SORL1: variants seen among roughly 807,000 people sequenced by gnomAD.
SORL1 encodes sortilin-related receptor.
In SORL1, 127 loss-of-function variants were observed where a neutral mutation model predicts 273.7. That is an observed-to-expected ratio of 0.46 (90% CI 0.40 to 0.54). SORL1 has a LOEUF of 0.54. Among genes scored for constraint, SORL1 ranks in the 20% least tolerant of loss-of-function variants. SORL1 has a pLI of 0.00. For synonymous variants in SORL1, 1,031 were observed against 1,067.4 expected (o/e 0.97, Z 0.66); for missense variants, 2,494 against 2,846.1 (o/e 0.88, Z 2.81).
At chr11:121,559,384 A>G in intron 20 of SORL1, 135 bp from the exon 21 acceptor site, 1 of 895,566 alleles carries the variant, frequency 1.1e-6, no homozygotes, top group African/African-American at 1.7e-5. Flanking sequence ...TTTGCATTTA[A>G]GTAGAATCTT....
intron 39 of SORL1, 57 bp downstream of exon 39, chr11:121,611,215 G>C (rs1863558894): frequency 8.5e-7 from 1 of 1,175,970 alleles, no homozygotes; most frequent in Admixed American, 1.7e-5. Flanking sequence ...TATGGGAACT[G>C]AAAGGACATA....
At chr11:121,559,735 A>T in intron 21 of SORL1, 78 bp downstream of exon 21, 1 of 1,372,492 alleles carries the variant, frequency 7.3e-7, no homozygotes. Context: ...CTCTGCTCAG[A>T]GTAGGAGCTG....
At chr11:121,540,534 A>AAAAAAAAAAAAAAAAAAAG in intron 12 of SORL1, among the ~76,000 whole-genome samples, 2 of 150,688 alleles carry the variant, frequency 1.3e-5, no homozygotes, top group Non-Finnish European at 1.5e-5. Flanking sequence ...AAAAAAAAAA[A>AAAAAAAAAAAAAAAAAAAG]AAGAATGCAA....
Position 121,566,936 on chromosome 11 carries a change from C to T in SORL1, c.3050-4C>T. ...CTACCTGCTGCTGTTTGTCTTCCCT[C>T]CAGGAAGCAATGCCTGTGTGCCCAG... On this transcript the variant is annotated splice_region_variant and splice_polypyrimidine_tract_variant and intron_variant, in intron 21 of 47. Coordinates refer to ENST00000260197, the MANE Select transcript of SORL1 (RefSeq NM_003105.6). 4 of 1,612,250 alleles carry T rather than the reference C, an allele frequency of 2.5e-6. No homozygotes were observed. Among genetic ancestry groups the T allele is most frequent in the Admixed American group, 1.7e-5 (1 of 59,764 alleles).
At position 121,557,365 on chromosome 11, in the gene SORL1, C is replaced by T. The variant is rs1460529031; in HGVS notation, c.2623C>T (p.Leu875Phe). 6.2e-7 allele frequency: 1 copy of T among 1,614,158 alleles called. No homozygotes were observed. The highest frequency in any genetic ancestry group is 1.7e-5 in the Admixed American group (1 of 60,024). Residue 875 changes from leucine (L) to phenylalanine (F), a missense_variant, in exon 19 of 48, where the codon CTT becomes TTT. By Grantham distance (22) the Leu-to-Phe change is conservative (BLOSUM62 0). Coordinates refer to ENST00000260197, the MANE Select transcript of SORL1 (RefSeq NM_003105.6). Reference sequence around the variant, plus strand: ...ACTCACAATCGTCAATTCCTCTGTGCTTGATCGTCCCAGGGCTCTGGTCCT... The same window carrying T: ...ACTCACAATCGTCAATTCCTCTGTGTTTGATCGTCCCAGGGCTCTGGTCCT... ...FRLTIVNSSVLDRPRALVLVP... is the reference protein window; with the variant it reads ...FRLTIVNSSVFDRPRALVLVP...
chr11:121,604,405 T>C lies in SORL1; in HGVS notation c.4651+81T>C. 3.3e-6 allele frequency: 5 copies of C among 1,529,572 alleles called. No homozygotes were observed. The South Asian group carries it at 5.9e-5, about 18-fold the overall frequency. The allele number at this position is 1,529,572 out of a possible 1,614,324, so 94.8% of individuals were successfully genotyped here. ...CCCCAGGGCCCCTCCTGTGTAGACC[T>C]TGAGCTAGGACCCTTTTGAACTGTT... On this transcript the variant is annotated intron_variant, in intron 33 of 47. Coordinates refer to ENST00000260197, the MANE Select transcript of SORL1 (RefSeq NM_003105.6).
At chr11:121,619,731 T>C in intron 42 of SORL1, 22 bp from the exon 43 acceptor site, 1 of 1,594,038 alleles carries the variant, frequency 6.3e-7, no homozygotes, top group Middle Eastern at 1.7e-4. Context: ...TTTTTTTTCC[T>C]ACGTGTGTGC....
intron 35 of SORL1, 119 bp from the exon 36 acceptor site, chr11:121,606,726 A>C: frequency 1.4e-6 from 1 of 704,096 alleles, no homozygotes; most frequent in Admixed American, 2.3e-5. Context: ...CAGCCTTTCT[A>C]GTGGATAGTC....
At chr11:121,493,400 G>T (rs1380316640) in intron 5 of SORL1, among the ~76,000 whole-genome samples, 5 of 152,108 alleles carry the variant, frequency 3.3e-5, no homozygotes, top group Admixed American at 1.3e-4. Flanking sequence ...GGGATTACAG[G>T]CACCCACCAC....
At chr11:121,605,358 A>C (rs1051880106) in intron 34 of SORL1, 44 bp from the exon 35 acceptor site, 5 of 1,591,502 alleles carry the variant, frequency 3.1e-6, no homozygotes, top group Non-Finnish European at 4.3e-6. Flanking sequence ...TCAGCCCCCC[A>C]TGCTGCTCCA....
chr11:121,585,617 G>A (rs1468539154), intron 26 of SORL1, among the ~76,000 whole-genome samples: 1 of 151,762 alleles, frequency 6.6e-6, no homozygotes, highest in East Asian at 1.9e-4. Context: ...CTCCTCACCT[G>A]CCCAGTTCCC....
rs750740451 is a variant in SORL1, at chr11:121,591,149, C to G, written c.4362C>G (p.Pro1454=). ...CADGSDEEAC[P]LLANVTAAST... The stretch of plus-strand genomic sequence containing the variant: ...ATGGCTCTGACGAGGAAGCCTGCCC[C>G]TTGCTTGGTGAGTTCTGGCCCAGGT... The change falls in exon 31 of 48, where the codon CCC becomes CCG. Residue 1454 remains proline, a synonymous_variant. Coordinates refer to ENST00000260197, the MANE Select transcript of SORL1 (RefSeq NM_003105.6). 1 of 1,614,126 alleles carries G rather than the reference C, an allele frequency of 6.2e-7. No individual in the cohort carries two copies. The highest frequency in any genetic ancestry group is 1.1e-5 in the South Asian group (1 of 91,062).
At chr11:121,625,604 C>T (rs138428004) in intron 46 of SORL1, among the ~76,000 whole-genome samples, 1 of 152,276 alleles carries the variant, frequency 6.6e-6, no homozygotes, top group East Asian at 1.9e-4. Context: ...CTCTAACATG[C>T]TAATATATCC....
intron 3 of SORL1, among the ~76,000 whole-genome samples, chr11:121,484,367 C>G (rs1454754140): frequency 1.3e-5 from 2 of 152,136 alleles, no homozygotes; most frequent in African/African-American, 4.8e-5. Context: ...GACCCATTGC[C>G]TGCCTCCAGT....
intron 35 of SORL1, among the ~76,000 whole-genome samples, chr11:121,606,637 ATGATG>A (rs1863477255): frequency 6.6e-6 from 1 of 152,228 alleles, no homozygotes; most frequent in Non-Finnish European, 1.5e-5. Flanking sequence ...CAACTGAGCC[ATGATG>A]TGATGTGTGG....
At position 121,470,067 on chromosome 11, in the gene SORL1, G is replaced by T. The variant is rs564006388; in HGVS notation, c.346G>T (p.Val116Leu). 6.2e-7 allele frequency: 1 copy of T among 1,614,194 alleles called. No homozygotes were observed. Among genetic ancestry groups the T allele is most frequent in the East Asian group, 2.2e-5 (1 of 44,890 alleles). Residue 116 changes from valine (V) to leucine (L), a missense_variant, in exon 2 of 48, where the codon GTG becomes TTG. Transcript: ENST00000260197. ...VVHWAGEKSN[V>L]IVALARDSLA... Reference sequence around the variant, plus strand: ...GCACTGGGCTGGAGAGAAAAGCAACGTGATCGTGGCCTTGGCCCGAGATAG... The same window carrying T: ...GCACTGGGCTGGAGAGAAAAGCAACTTGATCGTGGCCTTGGCCCGAGATAG...
At chr11:121,545,758 A>AGG (rs895340172) in intron 14 of SORL1, among the ~76,000 whole-genome samples, 67 of 152,320 alleles carry the variant, frequency 4.4e-4, no homozygotes, top group African/African-American at 1.6e-3. Context: ...CCTTCTCCTT[A>AGG]GGACCCTATT....
chr11:121,452,596 C>T lies in SORL1; in HGVS notation c.265C>T (p.Pro89Ser). The change falls in exon 1 of 48, where the codon CCC (proline) becomes TCC (serine). Residue 89 changes from proline (P) to serine (S), a missense_variant. This residue lies in a region of SORL1 where 175 missense variants were observed against 147.1 expected (regional missense o/e 1.19). Coordinates refer to ENST00000260197, the MANE Select transcript of SORL1 (RefSeq NM_003105.6). This position sits in a 1 kb window ranked among gnomAD's most constrained non-coding sequence, Gnocchi z 5.3. ...ACGGAGCGCTGCCCTGCAGCCCGAG[C>T]CCATCAAGGTGTACGGACAGGTGAG... is the stretch of plus-strand genomic sequence containing the variant. The part of the protein sequence containing the change: ...RKRSAALQPE[P>S]IKVYGQVSLN... 2 of 1,518,994 alleles carry T rather than the reference C, an allele frequency of 1.3e-6. No homozygotes were observed. The highest frequency in any genetic ancestry group is 2.6e-5 in the East Asian group (1 of 37,900). The allele number at this position is 1,518,994 out of a possible 1,614,324, so 94.1% of individuals were successfully genotyped here. A position where few individuals can be genotyped will look rare whatever the true frequency, so the allele number is the denominator to read the frequency against.
At chr11:121,532,310 T>C (rs942977870) in intron 11 of SORL1, among the ~76,000 whole-genome samples, 154 bp from the exon 12 acceptor site, 57 of 152,370 alleles carry the variant, frequency 3.7e-4, no homozygotes, top group African/African-American at 1.3e-3. Flanking sequence ...ATAATGGATG[T>C]CAATGTCTTC....
Sources: gnomAD v4.1 joint callset for allele counts (sites outside exome capture counted in the v4.1 genomes callset) on GRCh38, gnomAD v4.1.1 for gene constraint, gnomAD v4.1.1 regional missense constraint, Gnocchi (gnomAD v3.1) non-coding constraint, MANE v1.5 for transcripts, NCBI Gene and HGNC (gene_info 2026-07-23, HGNC 2026-07-21) for gene names.